The following ZFPM2 variants were observed in gnomAD, a reference collection of about 807,000 sequenced individuals.
ZFPM2 encodes the protein zinc finger protein, FOG family member 2, also known as zinc finger protein ZFPM2.
A neutral mutation model predicts 98.6 loss-of-function variants in ZFPM2; 20 were observed. That is an observed-to-expected ratio of 0.20 (90% CI 0.14 to 0.29). ZFPM2 has a LOEUF of 0.29. Among genes scored for constraint, ZFPM2 ranks in the 10% least tolerant of loss-of-function variants. The pLI is 1.00. For synonymous variants in ZFPM2, 518 were observed against 502.7 expected (o/e 1.03, Z -0.41); for missense variants, 1,310 against 1,388.6 (o/e 0.94, Z 0.90).
intron 5 of ZFPM2, among the ~76,000 whole-genome samples, chr8:105,786,041 C>CAAAAAAAA (rs60740995): frequency 2.5e-5 from 1 of 39,828 alleles, no homozygotes; most frequent in Non-Finnish European, 5.1e-5. Flanking sequence ...GACTCCGTCT[C>CAAAAAAAA]AAAAAAAAAA....
At chr8:105,582,661 T>C (rs1815627962) in intron 4 of ZFPM2, among the ~76,000 whole-genome samples, 1 of 152,082 alleles carries the variant, frequency 6.6e-6, no homozygotes. Flanking sequence ...CAGCGCAATC[T>C]CCACTCACTG....
chr8:105,712,880 CATG>C (rs1811436784), intron 5 of ZFPM2, among the ~76,000 whole-genome samples: 1 of 152,056 alleles, frequency 6.6e-6, no homozygotes, highest in Non-Finnish European at 1.5e-5. Context: ...CTGCAAAGGA[CATG>C]ATATCATTCT....
chr8:105,455,541 C>A (rs1812571547), intron 3 of ZFPM2, among the ~76,000 whole-genome samples: 1 of 142,470 alleles, frequency 7.0e-6, no homozygotes, highest in African/African-American at 2.5e-5. Context: ...AACTCAAAGC[C>A]AATCTGAAGA....
intron 3 of ZFPM2, among the ~76,000 whole-genome samples, chr8:105,503,286 A>G (rs1813633028): frequency 2.0e-5 from 3 of 152,216 alleles, no homozygotes; most frequent in Admixed American, 2.0e-4. Flanking sequence ...GAGGGCTTTT[A>G]TATTAATCAG....
At chr8:105,420,347 A>G (rs573735294) in intron 2 of ZFPM2, among the ~76,000 whole-genome samples, 15 of 152,308 alleles carry the variant, frequency 9.8e-5, no homozygotes, top group Admixed American at 9.8e-4. Context: ...TTTAATCATT[A>G]AAAGTTCCAG....
chr8:105,657,880 C>T (rs1315083157), intron 5 of ZFPM2, among the ~76,000 whole-genome samples: 1 of 152,084 alleles, frequency 6.6e-6, no homozygotes, highest in Non-Finnish European at 1.5e-5. Flanking sequence ...ATTTTACATG[C>T]CTACCAAATT....
chr8:105,443,328 A>AAAAAAAC (rs1554605255), intron 2 of ZFPM2, among the ~76,000 whole-genome samples: 4 of 146,472 alleles, frequency 2.7e-5, no homozygotes, highest in African/African-American at 1.0e-4. Context: ...ACAAAAAACA[A>AAAAAAAC]AAAAAAAAAA....
intron 5 of ZFPM2, among the ~76,000 whole-genome samples, chr8:105,779,275 C>G (rs1452255904): frequency 6.6e-6 from 1 of 152,068 alleles, no homozygotes; most frequent in Non-Finnish European, 1.5e-5. Flanking sequence ...TTAATTGGTT[C>G]AATTTGCTAT....
chr8:105,499,655 A>G (rs749219660), intron 3 of ZFPM2, among the ~76,000 whole-genome samples: 75 of 146,606 alleles, frequency 5.1e-4, no homozygotes, highest in Admixed American at 8.4e-4. Context: ...TACTCTAAAC[A>G]GCTTAAAATT....
At chr8:105,673,209 C>A (rs1314630087) in intron 5 of ZFPM2, among the ~76,000 whole-genome samples, 2 of 41,452 alleles carry the variant, frequency 4.8e-5, no homozygotes, top group East Asian at 8.7e-4. Context: ...TTTTTTTTTA[C>A]CGATCGTACT....
intron 4 of ZFPM2, among the ~76,000 whole-genome samples, chr8:105,631,954 A>T (rs770072663): frequency 6.6e-6 from 1 of 152,184 alleles, no homozygotes; most frequent in Non-Finnish European, 1.5e-5. Context: ...TAAAATAATT[A>T]TTTTTCGTGA....
At chr8:105,586,643 G>A (rs1246471388) in intron 4 of ZFPM2, among the ~76,000 whole-genome samples, 1 of 151,364 alleles carries the variant, frequency 6.6e-6, no homozygotes, top group Non-Finnish European at 1.5e-5. Context: ...GGCTGCTCTT[G>A]GACTCCTGAC....
chr8:105,659,392 G>A (rs1196755696), intron 5 of ZFPM2, among the ~76,000 whole-genome samples: 1 of 152,170 alleles, frequency 6.6e-6, no homozygotes, highest in Admixed American at 6.5e-5. Context: ...TGAAACAAAT[G>A]TTCAGAAATG....
At chr8:105,396,729 C>T (rs1408877142) in intron 1 of ZFPM2, among the ~76,000 whole-genome samples, 4 of 152,160 alleles carry the variant, frequency 2.6e-5, no homozygotes, top group Non-Finnish European at 5.9e-5. Flanking sequence ...ACAACATTCA[C>T]TTGCATTAGA....
chr8:105,351,350 A>T, intron 1 of ZFPM2, among the ~76,000 whole-genome samples: 1 of 107,324 alleles, frequency 9.3e-6, no homozygotes, highest in Admixed American at 1.0e-4. Flanking sequence ...TAGTTGCATT[A>T]TTTCGTGTGT....
intron 2 of ZFPM2, among the ~76,000 whole-genome samples, chr8:105,439,618 G>A (rs1482633714): frequency 6.6e-6 from 1 of 152,142 alleles, no homozygotes; most frequent in Non-Finnish European, 1.5e-5. Flanking sequence ...TAAGACCATG[G>A]ATAAGTTATT....
chr8:105,644,502 CTCTT>C (rs1373686309), intron 5 of ZFPM2, among the ~76,000 whole-genome samples: 3 of 151,882 alleles, frequency 2.0e-5, no homozygotes, highest in African/African-American at 4.8e-5. Flanking sequence ...CTGTCTCTCT[CTCTT>C]TCTGTTTTTC....
At chr8:105,608,494 A>G (rs570226505) in intron 4 of ZFPM2, among the ~76,000 whole-genome samples, 14 of 152,084 alleles carry the variant, frequency 9.2e-5, no homozygotes, top group African/African-American at 3.4e-4. Context: ...AATGTATCAA[A>G]CATTTTTCAC....
intron 3 of ZFPM2, among the ~76,000 whole-genome samples, chr8:105,515,606 A>G (rs1813902359): frequency 6.6e-6 from 1 of 152,208 alleles, no homozygotes; most frequent in Non-Finnish European, 1.5e-5. Context: ...AACAAATCCT[A>G]GTATGAATAA....
Sources: allele counts gnomAD v4.1 joint callset (sites outside exome capture counted in the v4.1 genomes callset), GRCh38; gene constraint gnomAD v4.1.1; transcripts MANE v1.5; gene names NCBI Gene and HGNC (gene_info 2026-07-23, HGNC 2026-07-21).